Variants in TMPRSS3 observed in about 807,000 individuals in gnomAD.
The protein encoded by TMPRSS3 is transmembrane serine protease 3, also known as transmembrane protease serine 3.
A neutral mutation model predicts 59.6 loss-of-function variants in TMPRSS3; 55 were observed. The ratio of observed to expected loss-of-function variants is 0.92; its 90% CI spans 0.74 to 1.16. TMPRSS3 has a LOEUF of 1.16. Among genes scored for constraint, TMPRSS3 ranks in the 50% most tolerant of loss-of-function variants. The pLI is 0.00. For synonymous variants in TMPRSS3, 257 were observed against 237.7 expected (o/e 1.08, Z -0.75); for missense variants, 596 against 579.4 (o/e 1.03, Z -0.29).
chr21:42,382,968 G>A (rs1297251996), intron 8 of TMPRSS3, 65 bp downstream of exon 8: 6 of 1,602,850 alleles, frequency 3.7e-6, no homozygotes, highest in African/African-American at 1.3e-5. Context: ...ACCACCCAAA[G>A]CAGCCCCACC....
chr21:42,381,585 T>C (rs2052529436), intron 9 of TMPRSS3, among the ~76,000 whole-genome samples: 1 of 152,132 alleles, frequency 6.6e-6, no homozygotes, highest in Admixed American at 6.5e-5. Flanking sequence ...TGGTCTGGCC[T>C]CAAGAAGCTC....
chr21:42,387,328 C>T (rs1163763433), intron 5 of TMPRSS3, among the ~76,000 whole-genome samples: 1 of 150,630 alleles, frequency 6.6e-6, no homozygotes, highest in Non-Finnish European at 1.5e-5. Context: ...AGAGGCTCAG[C>T]GGGGAAGAGA....
intron 10 of TMPRSS3, among the ~76,000 whole-genome samples, chr21:42,377,811 G>T (rs1008677503): frequency 3.9e-5 from 6 of 152,254 alleles, no homozygotes; most frequent in African/African-American, 1.4e-4. Flanking sequence ...ACAGCTCAAT[G>T]CATTATGGGA....
chr21:42,395,225 G>C, intron 2 of TMPRSS3, 99 bp downstream of exon 2: 1 of 1,012,360 alleles, frequency 9.9e-7, no homozygotes, highest in Admixed American at 1.9e-5. Flanking sequence ...TGTCAGAATG[G>C]CTGGGGAGAT....
chr21:42,387,235 G>A (rs2052650414), intron 5 of TMPRSS3, among the ~76,000 whole-genome samples: 3 of 152,070 alleles, frequency 2.0e-5, no homozygotes, highest in Admixed American at 6.6e-5. Context: ...CAGACAGAGC[G>A]GTGGTCCTCC....
intron 3 of TMPRSS3, 65 bp from the exon 4 acceptor site, chr21:42,389,110 T>TC: frequency 6.2e-7 from 1 of 1,604,366 alleles, no homozygotes; most frequent in Non-Finnish European, 8.5e-7. Context: ...CTAACAACTG[T>TC]CCCCCTGCCA....
At chr21:42,393,565 C>T (rs888439984) in intron 2 of TMPRSS3, among the ~76,000 whole-genome samples, 40 of 152,032 alleles carry the variant, frequency 2.6e-4, no homozygotes, top group African/African-American at 8.9e-4. Flanking sequence ...GCACAGGAAA[C>T]GGACCAAATT....
At chr21:42,380,904 T>C (rs1310369797) in intron 9 of TMPRSS3, among the ~76,000 whole-genome samples, 1 of 152,260 alleles carries the variant, frequency 6.6e-6, no homozygotes, top group Non-Finnish European at 1.5e-5. Context: ...CTTGAAACTT[T>C]GGCAAAGTAC....
chr21:42,395,472 A>T lies in TMPRSS3; in HGVS notation c.-51-4T>A. ...GCTCCGCCTCCACCTCTACCTCCTT[A>T]GCCGAGGAAGAACAGAAAGCATTTG... On this transcript the variant is annotated splice_polypyrimidine_tract_variant and splice_region_variant and intron_variant, in intron 1 of 12. Coordinates refer to ENST00000644384, the MANE Select transcript of TMPRSS3 (RefSeq NM_001256317.3). 7.0e-7 allele frequency: 1 copy of T among 1,434,412 alleles called. No homozygotes were observed. Among genetic ancestry groups the T allele is most frequent in the South Asian group, 1.2e-5 (1 of 86,828 alleles). The allele number at this position is 1,434,412 out of a possible 1,614,324, so 88.9% of individuals were successfully genotyped here.
At chr21:42,391,445 C>T (rs1235223799) in intron 2 of TMPRSS3, among the ~76,000 whole-genome samples, 1 of 152,042 alleles carries the variant, frequency 6.6e-6, no homozygotes, top group Non-Finnish European at 1.5e-5. Context: ...GTAGAGCAAA[C>T]AGCCTTGGAA....
At chr21:42,376,828 C>A in intron 10 of TMPRSS3, 145 bp from the exon 11 acceptor site, 4 of 1,308,978 alleles carry the variant, frequency 3.1e-6, no homozygotes, top group Non-Finnish European at 4.3e-6. Context: ...AAGGACAGGG[C>A]CCTGCGGGTG....
At chr21:42,376,053 G>A (rs2052423240) in intron 11 of TMPRSS3, among the ~76,000 whole-genome samples, 185 bp from the exon 12 acceptor site, 1 of 152,158 alleles carries the variant, frequency 6.6e-6, no homozygotes, top group South Asian at 2.1e-4. Context: ...CATCCCCAAG[G>A]GAGGATGTCC....
chr21:42,395,342 T>C lies in TMPRSS3; in HGVS notation c.76A>G (p.Ile26Val). ...CACTTACCTGGTGCAACAGGACTTA[T>C]TTTCAAATCATCAAGGCCAAAAAGC... is the stretch of plus-strand genomic sequence containing the variant. ...RSLFGLDDLK[I>V]SPVAPDADAV... Residue 26 changes from isoleucine to valine, a missense_variant, in exon 2 of 13, where the codon ATA (isoleucine) becomes GTA (valine). Transcript: ENST00000644384. 4 of 1,614,014 alleles carry C rather than the reference T, an allele frequency of 2.5e-6. No individual in the cohort carries two copies. The highest frequency in any genetic ancestry group is 2.2e-5 in the South Asian group (2 of 91,072).
In TMPRSS3 at chr21:42,388,513, A is replaced by G; in HGVS notation, c.336T>C (p.Gly112=). 1 of 1,614,160 alleles carries G rather than the reference A, an allele frequency of 6.2e-7. No homozygotes were observed. Among genetic ancestry groups the G allele is most frequent in the Non-Finnish European group, 8.5e-7 (1 of 1,180,028 alleles). Residue 112 remains glycine, a synonymous_variant, in exon 5 of 13, where the codon GGT becomes GGC. Coordinates refer to ENST00000644384, the MANE Select transcript of TMPRSS3 (RefSeq NM_001256317.3). The surrounding 1 kb of genome is among the most constrained non-coding windows in gnomAD (Gnocchi z 5.1). The part of the protein sequence containing the change: ...EDEYRCVRVG[G]QNAVLQVFTA... ...TGAACACCTGGAGCACGGCATTCTG[A>G]CCACCCACCCGGACTGGCCGATGTG...
intron 2 of TMPRSS3, among the ~76,000 whole-genome samples, chr21:42,392,680 C>T (rs550219712): frequency 6.6e-6 from 1 of 152,328 alleles, no homozygotes; most frequent in South Asian, 2.1e-4. Flanking sequence ...TCCACCCTCA[C>T]ACCTCGATCC....
intron 9 of TMPRSS3, among the ~76,000 whole-genome samples, chr21:42,381,264 A>G (rs1298953196): frequency 6.6e-6 from 1 of 152,210 alleles, no homozygotes; most frequent in Non-Finnish European, 1.5e-5. Flanking sequence ...TAATGTCCAG[A>G]GGGCAGGGCT....
At chr21:42,377,718 C>T (rs768601315) in intron 10 of TMPRSS3, among the ~76,000 whole-genome samples, 28 of 152,272 alleles carry the variant, frequency 1.8e-4, no homozygotes, top group Middle Eastern at 6.8e-3. Flanking sequence ...AACAAAATCA[C>T]ACAATGACAG....
At chr21:42,379,133 G>A (rs571931820) in intron 10 of TMPRSS3, among the ~76,000 whole-genome samples, 3 of 152,010 alleles carry the variant, frequency 2.0e-5, no homozygotes, top group African/African-American at 7.2e-5. Flanking sequence ...TGGTCCACTT[G>A]CCTCGGCCTC....
intron 7 of TMPRSS3, 186 bp downstream of exon 7, chr21:42,383,784 G>A (rs2052577643): frequency 4.1e-6 from 3 of 730,582 alleles, no homozygotes; most frequent in South Asian, 1.5e-5. Context: ...CACCTGACAG[G>A]TGAGGCCGAC....
Sources: allele counts gnomAD v4.1 joint callset (sites outside exome capture counted in the v4.1 genomes callset), GRCh38; gene constraint gnomAD v4.1.1; non-coding constraint Gnocchi (gnomAD v3.1); transcripts MANE v1.5; gene names NCBI Gene and HGNC (gene_info 2026-07-23, HGNC 2026-07-21).